Variants in CNTN3 observed in about 807,000 individuals in gnomAD.
The protein encoded by CNTN3 is contactin-3.
In CNTN3, 60 loss-of-function variants were observed where a neutral mutation model predicts 119.1. The ratio of observed to expected loss-of-function variants is 0.50; its 90% CI spans 0.41 to 0.62. CNTN3 has a LOEUF of 0.62. Ranked by LOEUF, CNTN3 falls within the 20% of genes least tolerant of loss-of-function variation. CNTN3 has a pLI of 0.00. For missense variants in CNTN3, 1,101 were observed against 1,242.4 expected, an observed-to-expected ratio of 0.89 and a Z score of 1.71; for synonymous variants, 450 against 438.7, an observed-to-expected ratio of 1.03 and a Z score of -0.32.
intron 5 of CNTN3, among the ~76,000 whole-genome samples, chr3:74,415,824 T>C (rs1420062376): frequency 1.3e-5 from 2 of 152,184 alleles, no homozygotes; most frequent in Non-Finnish European, 2.9e-5. Flanking sequence ...CTGCCTAATC[T>C]ACATGATAGA....
At chr3:74,285,997 TTTTC>T (rs1430709125) in intron 19 of CNTN3, among the ~76,000 whole-genome samples, 1 of 151,830 alleles carries the variant, frequency 6.6e-6, no homozygotes, top group Non-Finnish European at 1.5e-5. Context: ...GATGACATCA[TTTTC>T]TTTCTTAGTT....
chr3:74,323,567 T>A (rs1240789755), intron 13 of CNTN3, among the ~76,000 whole-genome samples: 1 of 152,196 alleles, frequency 6.6e-6, no homozygotes, highest in African/African-American at 2.4e-5. Flanking sequence ...AGCCACTGCA[T>A]CTTATACTTT....
At chr3:74,488,853 C>T (rs1251282164) in intron 3 of CNTN3, among the ~76,000 whole-genome samples, 4 of 152,100 alleles carry the variant, frequency 2.6e-5, no homozygotes, top group Non-Finnish European at 2.9e-5. Context: ...TTTTCATTTA[C>T]GGCAGATTTC....
intron 20 of CNTN3, among the ~76,000 whole-genome samples, chr3:74,279,129 G>A (rs547543847): frequency 1.1e-4 from 17 of 152,108 alleles, no homozygotes; most frequent in East Asian, 1.9e-4. Flanking sequence ...GTGTGGATGC[G>A]GTGATCAGGG....
chr3:74,353,668 A>G (rs1703868626), intron 11 of CNTN3, among the ~76,000 whole-genome samples: 1 of 152,042 alleles, frequency 6.6e-6, no homozygotes, highest in South Asian at 2.1e-4. Flanking sequence ...AGGCAGGAGA[A>G]TGGCGTGAAC....
chr3:74,325,609 G>C (rs1703109145), intron 13 of CNTN3, among the ~76,000 whole-genome samples: 1 of 152,064 alleles, frequency 6.6e-6, no homozygotes, highest in South Asian at 2.1e-4. Flanking sequence ...AGCTTTCCTG[G>C]GGAACAATTT....
intron 22 of CNTN3, among the ~76,000 whole-genome samples, chr3:74,265,153 A>G (rs944235927): frequency 6.6e-6 from 1 of 152,174 alleles, no homozygotes; most frequent in African/African-American, 2.4e-5. Context: ...ATTATTACAC[A>G]TAATATAAAA....
intron 4 of CNTN3, among the ~76,000 whole-genome samples, chr3:74,471,906 G>C (rs986082704): frequency 6.6e-6 from 1 of 152,164 alleles, no homozygotes; most frequent in Admixed American, 6.6e-5. Flanking sequence ...TGAAAACAAG[G>C]ACGTTCCTAA....
rs564560378 is a variant in CNTN3, at chr3:74,572,171, T to C, written c.-81+42220A>G. 2.0e-5 allele frequency among the ~76,000 whole-genome samples: 3 copies of C among 152,336 alleles called. No homozygotes were observed. The East Asian group carries it at 5.8e-4, about 29-fold the overall frequency. On this transcript the variant is annotated intron_variant, in intron 1 of 22. Transcript: ENST00000263665. The stretch of plus-strand genomic sequence containing the variant: ...AAGTAAGCCAGTAAGTTCTCTTCTG[T>C]ACTACTAGAGGAAGTGAAATTAGTA...
intron 5 of CNTN3, among the ~76,000 whole-genome samples, chr3:74,398,977 A>G (rs1243310754): frequency 6.6e-6 from 1 of 152,208 alleles, no homozygotes; most frequent in Admixed American, 6.5e-5. Flanking sequence ...CAAGATAGTT[A>G]GCATATCTAC....
intron 13 of CNTN3, among the ~76,000 whole-genome samples, chr3:74,307,633 C>A (rs1228237856): frequency 2.0e-5 from 3 of 151,862 alleles, no homozygotes; most frequent in Admixed American, 2.0e-4. Context: ...ATTTGATAAC[C>A]CATACCAGAT....
chr3:74,439,184 A>G (rs891557545), intron 4 of CNTN3, among the ~76,000 whole-genome samples: 1 of 152,226 alleles, frequency 6.6e-6, no homozygotes, highest in African/African-American at 2.4e-5. Context: ...AATGAAGATT[A>G]CTTTTTAAAG....
intron 5 of CNTN3, among the ~76,000 whole-genome samples, chr3:74,388,165 C>G (rs1704803707): frequency 6.6e-6 from 1 of 152,102 alleles, no homozygotes; most frequent in African/African-American, 2.4e-5. Context: ...TAAAATCATC[C>G]TAGTGTTTCT....
chr3:74,382,920 C>T (rs982058035), intron 5 of CNTN3, among the ~76,000 whole-genome samples: 5 of 152,120 alleles, frequency 3.3e-5, no homozygotes, highest in African/African-American at 1.2e-4. Context: ...TTTATCAAAT[C>T]CTCCATTGTC....
chr3:74,365,786 G>T, intron 8 of CNTN3, 84 bp from the exon 9 acceptor site: 1 of 1,440,100 alleles, frequency 6.9e-7, no homozygotes, highest in South Asian at 1.3e-5. Flanking sequence ...ATCTTACCTG[G>T]ATTAATAGAA....
At chr3:74,463,667 G>C (rs2106980584) in intron 4 of CNTN3, among the ~76,000 whole-genome samples, 1 of 152,118 alleles carries the variant, frequency 6.6e-6, no homozygotes, top group East Asian at 1.9e-4. Flanking sequence ...CTGGTTTCTT[G>C]GTCAATCATT....
At chr3:74,383,803 A>G (rs1426756499) in intron 5 of CNTN3, among the ~76,000 whole-genome samples, 3 of 152,152 alleles carry the variant, frequency 2.0e-5, no homozygotes, top group Non-Finnish European at 4.4e-5. Context: ...TTTTAAGGAG[A>G]CAGTTATTCT....
chr3:74,319,689 T>C (rs1191049673), intron 13 of CNTN3, among the ~76,000 whole-genome samples: 1 of 151,588 alleles, frequency 6.6e-6, no homozygotes, highest in Admixed American at 6.6e-5. Context: ...ACTAAAGAGC[T>C]TCTGCACAGC....
chr3:74,291,831 T>G (rs1349006431), intron 19 of CNTN3, among the ~76,000 whole-genome samples: 2 of 152,158 alleles, frequency 1.3e-5, no homozygotes. Flanking sequence ...GCCCTTTAAT[T>G]CTAGCAGCTG....
Sources: gnomAD v4.1 joint callset for allele counts (sites outside exome capture counted in the v4.1 genomes callset) on GRCh38, gnomAD v4.1.1 for gene constraint, MANE v1.5 for transcripts, NCBI Gene and HGNC (gene_info 2026-07-23, HGNC 2026-07-21) for gene names.